ZNF723: variants seen among roughly 807,000 people sequenced by gnomAD.
ZNF723 encodes zinc finger protein 723, pseudogene.
ZNF723 carries 5 observed loss-of-function variants against 9.4 expected under a neutral mutation model. The ratio of observed to expected loss-of-function variants is 0.53; its 90% confidence interval spans 0.28 to 1.12. ZNF723 has a LOEUF of 1.12. Among genes scored for constraint, ZNF723 ranks in the 50% most tolerant of loss-of-function variants. ZNF723 has a pLI of 0.10. For missense variants in ZNF723, 450 were observed against 501.5 expected, an observed-to-expected ratio of 0.90 and a Z score of 0.98; for synonymous variants, 158 against 168.8, an observed-to-expected ratio of 0.94 and a Z score of 0.49.
chr19:22,813,843 G>A, the ZNF723 span, among the ~76,000 whole-genome samples: 1 of 149,986 alleles, frequency 6.7e-6, no homozygotes, highest in Non-Finnish European at 1.5e-5. Context: ...ATGGAGTGTT[G>A]CTCTGTTGCT....
chr19:22,819,379 C>G, the ZNF723 span, among the ~76,000 whole-genome samples: 1 of 152,188 alleles, frequency 6.6e-6, no homozygotes, highest in Non-Finnish European at 1.5e-5. Flanking sequence ...GGGAGAGTGA[C>G]TTTTCACTGG....
rs1967342740 is a variant in ZNF723, at chr19:22,848,297, T to C, written c.40T>C (p.Ser14Pro). The change falls in exon 2 of 4, where the codon TCT becomes CCT. Residue 14 changes from serine (S) to proline (P), a missense_variant. This residue lies in a region of ZNF723 where 19 missense variants were observed against 20.1 expected (regional missense o/e 0.95). Transcript: ENST00000600766. ...LTFTDVAIKFSLEEWQFLDTA... is the reference protein window; with the variant it reads ...LTFTDVAIKFPLEEWQFLDTA... ...ATTCACAGATGTGGCAATAAAATTT[T>C]CTCTGGAGGAGTGGCAATTCCTGGA... 4 of 1,296,458 alleles carry C rather than the reference T, an allele frequency of 3.1e-6. No individual in the cohort carries two copies. Among genetic ancestry groups the C allele is most frequent in the Non-Finnish European group, 2.2e-6 (2 of 908,316 alleles). 80.3% of individuals were successfully genotyped at this position (1,296,458 alleles called of 1,614,324 possible).
chr19:22,848,729 T>TTTTATTTATTTA (rs71163410), intron 2 of ZNF723, among the ~76,000 whole-genome samples: 5 of 142,982 alleles, frequency 3.5e-5, no homozygotes, highest in South Asian at 2.3e-4. Flanking sequence ...AGAGAAATTA[T>TTTTATTTATTTA]TTTATTTATT....
At chr19:22,812,740 A>G in the ZNF723 span, among the ~76,000 whole-genome samples, 3 of 152,254 alleles carry the variant, frequency 2.0e-5, no homozygotes, top group African/African-American at 7.2e-5. Flanking sequence ...CTCCCTCATG[A>G]AAACAGTTTA....
chr19:22,828,213 C>T (rs931020826), upstream of ZNF723, among the ~76,000 whole-genome samples: 3 of 152,178 alleles, frequency 2.0e-5, no homozygotes, highest in African/African-American at 7.2e-5. Context: ...AACTCAAAGA[C>T]ATATGTGACT....
intron 3 of ZNF723, among the ~76,000 whole-genome samples, chr19:22,851,802 T>C (rs1216906268): frequency 6.6e-6 from 1 of 152,232 alleles, no homozygotes; most frequent in African/African-American, 2.4e-5. Flanking sequence ...AACTTTTTTT[T>C]TGAGACGGAG....
upstream of ZNF723, among the ~76,000 whole-genome samples, chr19:22,831,665 C>G (rs1345606497): frequency 6.8e-6 from 1 of 147,290 alleles, no homozygotes; most frequent in Non-Finnish European, 1.5e-5. Context: ...AATCCCAGCA[C>G]TTTGGGAAGC....
chr19:22,815,562 A>C, the ZNF723 span, among the ~76,000 whole-genome samples: 1 of 152,142 alleles, frequency 6.6e-6, no homozygotes. Context: ...TACCCTTGCC[A>C]AAAACCTACT....
At chr19:22,835,069 G>T (rs1160982035) in intron 1 of ZNF723, among the ~76,000 whole-genome samples, 8 of 139,694 alleles carry the variant, frequency 5.7e-5, no homozygotes, top group Admixed American at 1.4e-4. Context: ...TTTGTTGGTT[G>T]TTTTTTTTTT....
At chr19:22,846,904 A>AGCC (rs1967319136) in intron 1 of ZNF723, among the ~76,000 whole-genome samples, 1 of 130,908 alleles carries the variant, frequency 7.6e-6, no homozygotes, top group African/African-American at 2.9e-5. Context: ...ACCCCCAACC[A>AGCC]GCCTATAATT....
At chr19:22,837,288 AAAAG>A (rs1160499612) in intron 1 of ZNF723, among the ~76,000 whole-genome samples, 13 of 151,474 alleles carry the variant, frequency 8.6e-5, no homozygotes, top group Admixed American at 2.0e-4. Context: ...AAAAAAAAAA[AAAAG>A]AAAGAAAGAA....
At chr19:22,814,057 C>T in the ZNF723 span, among the ~76,000 whole-genome samples, 1 of 151,986 alleles carries the variant, frequency 6.6e-6, no homozygotes, top group Non-Finnish European at 1.5e-5. Context: ...TATGATCCGC[C>T]CACCTCGGCC....
At chr19:22,839,043 G>A (rs1199235746) in intron 1 of ZNF723, among the ~76,000 whole-genome samples, 2 of 152,002 alleles carry the variant, frequency 1.3e-5, no homozygotes, top group African/African-American at 2.4e-5. Context: ...CACCACGCCC[G>A]GCCTTCTAGA....
the ZNF723 span, among the ~76,000 whole-genome samples, chr19:22,816,589 G>A: frequency 9.2e-5 from 14 of 152,308 alleles, no homozygotes; most frequent in Non-Finnish European, 1.5e-4. Flanking sequence ...TGATTGTGAC[G>A]TATACCTCAG....
At chr19:22,835,133 C>T (rs1245559154) in intron 1 of ZNF723, among the ~76,000 whole-genome samples, 4 of 149,516 alleles carry the variant, frequency 2.7e-5, no homozygotes, top group African/African-American at 4.9e-5. Context: ...CTCTGCCTTC[C>T]GGGTTCAAGC....
intron 1 of ZNF723, among the ~76,000 whole-genome samples, chr19:22,833,690 A>G (rs1327377335): frequency 6.6e-6 from 1 of 150,434 alleles, no homozygotes; most frequent in African/African-American, 2.4e-5. Flanking sequence ...GCTCACTGCA[A>G]CCTCCACCTC....
chr19:22,841,391 A>T (rs1036504272), intron 1 of ZNF723, among the ~76,000 whole-genome samples: 3 of 152,144 alleles, frequency 2.0e-5, no homozygotes, highest in Admixed American at 6.5e-5. Context: ...TTCTGGCTTG[A>T]CGATCTCTTG....
intron 1 of ZNF723, among the ~76,000 whole-genome samples, chr19:22,845,586 A>T (rs566193365): frequency 1.3e-5 from 2 of 152,218 alleles, no homozygotes; most frequent in South Asian, 4.1e-4. Flanking sequence ...TATTTTTATT[A>T]CTGTAGCAGA....
At chr19:22,823,264 C>G in the ZNF723 span, among the ~76,000 whole-genome samples, 1 of 152,168 alleles carries the variant, frequency 6.6e-6, no homozygotes, top group South Asian at 2.1e-4. Flanking sequence ...GATAGTGACT[C>G]TGGTATGCAC....
Sources: allele counts gnomAD v4.1 joint callset (sites outside exome capture counted in the v4.1 genomes callset), GRCh38; gene constraint gnomAD v4.1.1; regional missense constraint gnomAD v4.1.1; transcripts MANE v1.5; gene names NCBI Gene and HGNC (gene_info 2026-07-23, HGNC 2026-07-21).